Variants in FANK1 observed in about 807,000 individuals in gnomAD.
FANK1 encodes the protein fibronectin type III and ankyrin repeat domains 1, also known as fibronectin type 3 and ankyrin repeat domains protein 1.
In FANK1, 44 loss-of-function variants were observed where a neutral mutation model predicts 45.3. The observed-to-expected ratio is 0.97, with a 90% CI of 0.76 to 1.25. The LOEUF (loss-of-function observed/expected upper bound fraction) is 1.25. Among genes scored for constraint, FANK1 ranks in the 50% most tolerant of loss-of-function variants. The pLI is 0.00. For missense variants in FANK1, 391 were observed against 424.4 expected (o/e 0.92, Z 0.69); for synonymous variants, 149 against 152.5 (o/e 0.98, Z 0.17).
Position 125,980,354 on chromosome 10 carries a change from A to AC in FANK1, c.191+16_191+17insC. On this transcript the variant is annotated intron_variant, in intron 2 of 10. Coordinates refer to ENST00000368693, the MANE Select transcript of FANK1 (RefSeq NM_145235.5). ...TCATTTATACGTAGGTGCAGTGTTG[A>AC]ATTGCTTGCCACTTTGCCTTACTTC... is the stretch of plus-strand genomic sequence containing the variant. 6.2e-7 allele frequency: 1 copy of AC among 1,602,374 alleles called. No individual in the cohort carries two copies. The highest frequency in any genetic ancestry group is 8.5e-7 in the Non-Finnish European group (1 of 1,175,366).
chr10:125,901,023 G>T (rs1332122147), intron 1 of FANK1, among the ~76,000 whole-genome samples: 1 of 151,964 alleles, frequency 6.6e-6, no homozygotes, highest in African/African-American at 2.4e-5. Context: ...GCCCAGGTAT[G>T]CCTCAAACTC....
chr10:125,935,711 G>A lies in FANK1; in HGVS notation c.13+39056G>A, dbSNP rs577708486. ...GAAAAATAACATTTATTAACTAATT[G>A]TCCAATATATTTCTATAATATCTTC... is the stretch of plus-strand genomic sequence containing the variant. On this transcript the variant is annotated intron_variant, in intron 1 of 10. Coordinates refer to ENST00000368693, the MANE Select transcript of FANK1 (RefSeq NM_145235.5). Among the ~76,000 whole-genome samples the A allele has an allele frequency of 1.6e-3, 237 of 152,062 alleles. 2 individuals are homozygous for A. Among genetic ancestry groups the A allele is most frequent in the Middle Eastern group, 0.014 (4 of 294 alleles).
chr10:125,945,743 C>G (rs193121215), intron 1 of FANK1, among the ~76,000 whole-genome samples: 4 of 152,204 alleles, frequency 2.6e-5, no homozygotes, highest in Non-Finnish European at 5.9e-5. Context: ...CTGGGTGGAG[C>G]CCACCACAAC....
At chr10:125,995,288 G>A (rs186756534) in intron 3 of FANK1, 129 bp from the exon 4 acceptor site, 1 of 772,222 alleles carries the variant, frequency 1.3e-6, no homozygotes, top group East Asian at 2.7e-5. Flanking sequence ...GGAAATGTAA[G>A]ATATACTTAA....
At position 125,988,610 on chromosome 10, in the gene FANK1, GCCTGAAGGTCA is replaced by G. The variant is rs1564949758; in HGVS notation, c.254_264del (p.Leu85GlnfsTer7). On this transcript the variant is annotated frameshift_variant, in exon 3 of 11. Transcript: ENST00000368693. LOFTEE classifies it high-confidence loss of function. The stretch of plus-strand genomic sequence containing the variant: ...GAACCAAGGACGCTGTACAGATTTC[GCCTGAAGGTCA>G]CCAGCCCCTCTGGGGAGTGTGAGTA... 6.2e-7 allele frequency: 1 copy of G among 1,614,140 alleles called. No individual in the cohort carries two copies. The highest frequency in any genetic ancestry group is 1.1e-5 in the South Asian group (1 of 91,072).
At chr10:126,001,466 G>A (rs564021362) in intron 6 of FANK1, among the ~76,000 whole-genome samples, 2 of 150,680 alleles carry the variant, frequency 1.3e-5, no homozygotes, top group East Asian at 4.0e-4. Flanking sequence ...CTGAGCAGGG[G>A]ACTCAGCAGC....
chr10:125,939,455 C>T (rs1948307631), intron 1 of FANK1, among the ~76,000 whole-genome samples: 3 of 152,064 alleles, frequency 2.0e-5, no homozygotes, highest in Admixed American at 2.0e-4. Context: ...TTAAATGGTT[C>T]TGTGAAAAAT....
At chr10:125,936,938 A>G (rs1387239842) in intron 1 of FANK1, among the ~76,000 whole-genome samples, 1 of 151,990 alleles carries the variant, frequency 6.6e-6, no homozygotes, top group African/African-American at 2.4e-5. Flanking sequence ...GTGGTGGTGC[A>G]TGCCTGTAAT....
intron 1 of FANK1, among the ~76,000 whole-genome samples, chr10:125,927,790 C>T (rs76792124): frequency 6.6e-6 from 1 of 152,184 alleles, no homozygotes; most frequent in African/African-American, 2.4e-5. Context: ...AGGTGATCTG[C>T]CTGCCTCAGC....
intron 7 of FANK1, among the ~76,000 whole-genome samples, chr10:126,006,788 A>T (rs1474304985): frequency 6.6e-6 from 1 of 152,198 alleles, no homozygotes; most frequent in African/African-American, 2.4e-5. Context: ...TGAACCCAGG[A>T]GGTGGAGGTT....
At chr10:125,989,299 C>G in intron 3 of FANK1, 1 of 1,550,550 alleles carries the variant, frequency 6.4e-7, no homozygotes, top group Non-Finnish European at 8.7e-7. Flanking sequence ...TGAGCAAGAG[C>G]CTTGTAAAAA....
rs182283665 is a variant in FANK1 at position 125,943,389 on chromosome 10, C to T, written c.14-36772C>T. 2.6e-4 allele frequency among the ~76,000 whole-genome samples: 40 copies of T among 152,082 alleles called. No homozygotes were observed. The East Asian group carries it at 5.4e-3, about 21-fold the overall frequency. ...TCACCCTTTAAAAATATGCATGATTCGGTGGCTTTTTATTATATTCACAAA... is the reference window on the plus strand; with the variant it reads ...TCACCCTTTAAAAATATGCATGATTTGGTGGCTTTTTATTATATTCACAAA... On this transcript the variant is annotated intron_variant, in intron 1 of 10. Coordinates refer to ENST00000368693, the MANE Select transcript of FANK1 (RefSeq NM_145235.5).
intron 1 of FANK1, among the ~76,000 whole-genome samples, chr10:125,954,155 G>A (rs1302409124): frequency 3.7e-5 from 3 of 81,928 alleles, no homozygotes; most frequent in African/African-American, 1.1e-4. Context: ...TGGTTACAAT[G>A]GGGGAAGGGG....
intron 6 of FANK1, 104 bp from the exon 7 acceptor site, chr10:126,004,780 C>A (rs1173952194): frequency 8.6e-7 from 1 of 1,167,498 alleles, no homozygotes; most frequent in Non-Finnish European, 1.3e-6. Context: ...ATGGCTTTTC[C>A]ACTCAAGTTA....
chr10:125,913,486 T>C (rs113380615), intron 1 of FANK1, among the ~76,000 whole-genome samples: 2,226 of 152,350 alleles, frequency 0.015, 56 homozygotes, highest in African/African-American at 0.05. Flanking sequence ...GTAACTTGAT[T>C]ACAGATAACT....
chr10:125,935,524 A>G (rs1017445778), intron 1 of FANK1, among the ~76,000 whole-genome samples: 1 of 152,220 alleles, frequency 6.6e-6, no homozygotes, highest in Non-Finnish European at 1.5e-5. Context: ...CAATTGGGGC[A>G]AATCAAGATT....
At chr10:125,944,993 T>C (rs910922050) in intron 1 of FANK1, among the ~76,000 whole-genome samples, 5 of 152,210 alleles carry the variant, frequency 3.3e-5, no homozygotes, top group African/African-American at 1.2e-4. Flanking sequence ...CAACCGAGCT[T>C]GTCTCCACAC....
rs2134210521 is a variant in FANK1, at chr10:125,988,640, G to T, written c.281G>T (p.Cys94Phe). 6.2e-7 allele frequency: 1 copy of T among 1,614,178 alleles called. No homozygotes were observed. Among genetic ancestry groups the T allele is most frequent in the East Asian group, 2.2e-5 (1 of 44,884 alleles). ...RLKVTSPSGE[C>F]EYSPLVSVST... is the part of the protein sequence containing the mutation. ...AAGGTCACCAGCCCCTCTGGGGAGT[G>T]TGAGTACAGCCCACTCGTCTCAGTG... The change falls in exon 3 of 11, where the codon TGT becomes TTT. Residue 94 changes from cysteine (C) to phenylalanine (F), a missense_variant. By Grantham distance (205) the Cys-to-Phe change is radical. Coordinates refer to ENST00000368693, the MANE Select transcript of FANK1 (RefSeq NM_145235.5).
chr10:125,903,389 A>C (rs533322251), intron 1 of FANK1, among the ~76,000 whole-genome samples: 45 of 152,262 alleles, frequency 3.0e-4, no homozygotes, highest in Non-Finnish European at 5.9e-4. Flanking sequence ...AGGCTGGAAG[A>C]AGGGAGGAGG....
Sources: allele counts gnomAD v4.1 joint callset (sites outside exome capture counted in the v4.1 genomes callset), GRCh38; gene constraint gnomAD v4.1.1; transcripts MANE v1.5; gene names NCBI Gene and HGNC (gene_info 2026-07-23, HGNC 2026-07-21).